Variants in MMP26 observed in about 807,000 individuals in gnomAD.
MMP26 encodes the protein matrix metalloproteinase-26.
Under a neutral mutation model 31.0 loss-of-function variants are expected in MMP26, and 33 were observed. The ratio of observed to expected loss-of-function variants is 1.06; its 90% CI spans 0.81 to 1.42. The LOEUF (loss-of-function observed/expected upper bound fraction) is 1.42. Ranked by LOEUF, MMP26 falls within the 40% of genes most tolerant of loss-of-function variation. MMP26 has a pLI of 0.00. For missense variants in MMP26, 347 were observed against 316.1 expected (o/e 1.10, Z -0.74); for synonymous variants, 122 against 114.9 (o/e 1.06, Z -0.40).
At chr11:4,747,185 A>G (rs1848392907) in intron 1 of MMP26, among the ~76,000 whole-genome samples, 1 of 152,168 alleles carries the variant, frequency 6.6e-6, no homozygotes, top group Admixed American at 6.5e-5. Context: ...TGAGCTTACC[A>G]AATAGATATG....
At chr11:4,958,809 T>C (rs1424667385) in intron 2 of MMP26, among the ~76,000 whole-genome samples, 1 of 152,230 alleles carries the variant, frequency 6.6e-6, no homozygotes, top group African/African-American at 2.4e-5. Flanking sequence ...CTTAGTTTGA[T>C]TTCTGTCTCT....
chr11:4,860,248 A>G, intron 2 of MMP26: 1 of 471,290 alleles, frequency 2.1e-6, no homozygotes, highest in Non-Finnish European at 4.4e-6. Flanking sequence ...AAATACATGG[A>G]TGAAGAACAT....
intron 2 of MMP26, among the ~76,000 whole-genome samples, chr11:4,868,517 T>C (rs941290350): frequency 6.6e-6 from 1 of 152,116 alleles, no homozygotes; most frequent in Non-Finnish European, 1.5e-5. Context: ...ACAAGGGATG[T>C]GAAAGACCTC....
At chr11:4,738,276 T>A (rs1222683193) in intron 1 of MMP26, among the ~76,000 whole-genome samples, 1 of 152,142 alleles carries the variant, frequency 6.6e-6, no homozygotes, top group Non-Finnish European at 1.5e-5. Flanking sequence ...TCAAGACAAA[T>A]GAAGACAGGA....
chr11:4,990,483 C>T, intron 4 of MMP26, 115 bp from the exon 5 acceptor site: 2 of 1,018,592 alleles, frequency 2.0e-6, no homozygotes, highest in Non-Finnish European at 1.4e-6. Context: ...TATAAATAAC[C>T]AAAATGAGTC....
rs1047350741 is a variant in MMP26 at position 4,861,959 on chromosome 11, C to G, written c.-145+94618C>G. On this transcript the variant is annotated intron_variant, in intron 2 of 7. Coordinates refer to ENST00000380390, the MANE Select transcript of MMP26 (RefSeq NM_021801.5). Reference sequence around the variant, plus strand: ...CCCCTACCTACCTCTGCAGCACCAACTCACACCATTTACTCTCCCCTTCAG... The same window carrying G: ...CCCCTACCTACCTCTGCAGCACCAAGTCACACCATTTACTCTCCCCTTCAG... Among the ~76,000 whole-genome samples the G allele has an allele frequency of 2.0e-5, 3 of 152,156 alleles. No homozygotes were observed. The East Asian group carries it at 5.8e-4, about 29-fold the overall frequency.
At chr11:4,781,097 C>A (rs1466640190) in intron 2 of MMP26, among the ~76,000 whole-genome samples, 2 of 152,024 alleles carry the variant, frequency 1.3e-5, no homozygotes, top group African/African-American at 4.8e-5. Context: ...GTTTACAGCT[C>A]CAGCCAGGGG....
At chr11:4,838,542 A>G (rs1849752254) in intron 2 of MMP26, among the ~76,000 whole-genome samples, 1 of 151,990 alleles carries the variant, frequency 6.6e-6, no homozygotes, top group African/African-American at 2.4e-5. Flanking sequence ...GAGTGGCATA[A>G]AACTGAAGAC....
At chr11:4,914,150 A>C (rs368467857) in intron 2 of MMP26, 14 of 152,402 alleles carry the variant, frequency 9.2e-5, no homozygotes, top group African/African-American at 3.4e-4. Context: ...TTCTCTACTC[A>C]TTGGTGGTTA....
At chr11:4,904,793 A>G (rs1406553496) in intron 2 of MMP26, among the ~76,000 whole-genome samples, 2 of 152,132 alleles carry the variant, frequency 1.3e-5, no homozygotes, top group Non-Finnish European at 2.9e-5. Context: ...ATGATTCTAC[A>G]TATTTTATAT....
At chr11:4,987,136 C>T (rs1377272383) in intron 2 of MMP26, among the ~76,000 whole-genome samples, 1 of 151,866 alleles carries the variant, frequency 6.6e-6, no homozygotes, top group African/African-American at 2.4e-5. Context: ...TCCTCCTCAG[C>T]CTCCCAAAGT....
chr11:4,760,020 G>A (rs960586683), intron 1 of MMP26, among the ~76,000 whole-genome samples: 1 of 152,186 alleles, frequency 6.6e-6, no homozygotes, highest in Admixed American at 6.5e-5. Flanking sequence ...TGAGCACAAA[G>A]GCCTTATTCT....
intron 2 of MMP26, among the ~76,000 whole-genome samples, chr11:4,851,696 AT>A (rs1455991476): frequency 6.6e-6 from 1 of 152,028 alleles, no homozygotes; most frequent in Non-Finnish European, 1.5e-5. Flanking sequence ...GGAATTAAAC[AT>A]TTATTAAAAC....
At chr11:4,806,941 C>T (rs1055672296) in intron 2 of MMP26, among the ~76,000 whole-genome samples, 1 of 152,070 alleles carries the variant, frequency 6.6e-6, no homozygotes, top group Non-Finnish European at 1.5e-5. Context: ...CTCAAATTGT[C>T]GTGGGGACAG....
In MMP26 at chr11:4,924,243, A is replaced by AGGGAAT. The variant is rs777881105; in HGVS notation, c.-144-63824_-144-63819dup. 1.9e-6 allele frequency: 3 copies of AGGGAAT among 1,614,224 alleles called. No homozygotes were observed. The East Asian group carries it at 6.7e-5, about 36-fold the overall frequency. ...ATAACTGTCAGGTAGATGAAGCAGA[A>AGGGAAT]GGGAATAGAGATCCAGCCATGGAGA... is the stretch of plus-strand genomic sequence containing the variant. On this transcript the variant is annotated intron_variant, in intron 2 of 7. Transcript: ENST00000380390.
intron 2 of MMP26, among the ~76,000 whole-genome samples, chr11:4,936,582 C>T (rs1846115874): frequency 1.3e-5 from 2 of 152,094 alleles, no homozygotes; most frequent in Admixed American, 6.6e-5. Context: ...GTTAGATCTT[C>T]ACTGATTATT....
intron 2 of MMP26, among the ~76,000 whole-genome samples, chr11:4,956,466 A>T (rs1846444610): frequency 6.6e-6 from 1 of 152,184 alleles, no homozygotes; most frequent in Non-Finnish European, 1.5e-5. Flanking sequence ...ATTTGTTTGG[A>T]GAGAGGTCCT....
chr11:4,930,377 T>G (rs1851330555), intron 2 of MMP26, among the ~76,000 whole-genome samples: 3 of 152,108 alleles, frequency 2.0e-5, no homozygotes, highest in Admixed American at 1.3e-4. Flanking sequence ...AGCCACACTC[T>G]TCTTGGGATG....
At chr11:4,815,240 G>T (rs535297402) in intron 2 of MMP26, among the ~76,000 whole-genome samples, 3 of 152,266 alleles carry the variant, frequency 2.0e-5, no homozygotes, top group Non-Finnish European at 4.4e-5. Flanking sequence ...AATCAGATGT[G>T]CATTTGTCTC....
Sources: gnomAD v4.1 joint callset for allele counts (sites outside exome capture counted in the v4.1 genomes callset) on GRCh38, gnomAD v4.1.1 for gene constraint, MANE v1.5 for transcripts, NCBI Gene and HGNC (gene_info 2026-07-23, HGNC 2026-07-21) for gene names.